The following NKAIN3 variants were observed in gnomAD, a reference collection of about 807,000 sequenced individuals.
The protein encoded by NKAIN3 is sodium/potassium transporting ATPase interacting 3.
Under a neutral mutation model 30.2 loss-of-function variants are expected in NKAIN3, and 25 were observed. That is an observed-to-expected ratio of 0.83 (90% CI 0.60 to 1.16). The LOEUF is 1.16. NKAIN3 is among the 50% of genes most tolerant of loss of function. The probability of loss-of-function intolerance (pLI) is 0.00; values close to 1 mark genes in which losing one functional copy is unlikely to be tolerated. For missense variants in NKAIN3, 225 were observed against 254.1 expected (o/e 0.89, Z 0.78); for synonymous variants, 91 against 89.6 (o/e 1.02, Z -0.09).
intron 1 of NKAIN3, among the ~76,000 whole-genome samples, chr8:62,523,724 A>G (rs1808222725): frequency 6.6e-6 from 1 of 152,120 alleles, no homozygotes; most frequent in Non-Finnish European, 1.5e-5. Context: ...ATTTCTTATG[A>G]CCATGAAGAC....
chr8:62,651,556 A>G (rs1029743344), intron 3 of NKAIN3, among the ~76,000 whole-genome samples: 2 of 152,186 alleles, frequency 1.3e-5, no homozygotes, highest in African/African-American at 4.8e-5. Flanking sequence ...TGCAAGTCCC[A>G]GATAAAGGCA....
chr8:62,537,006 C>G (rs1465699867), intron 1 of NKAIN3, among the ~76,000 whole-genome samples: 1 of 152,010 alleles, frequency 6.6e-6, no homozygotes, highest in Non-Finnish European at 1.5e-5. Flanking sequence ...GCAGACATGG[C>G]AACACACACT....
intron 1 of NKAIN3, among the ~76,000 whole-genome samples, chr8:62,286,328 G>A (rs992985272): frequency 3.3e-5 from 5 of 152,110 alleles, no homozygotes; most frequent in Non-Finnish European, 7.4e-5. Context: ...TAAAGACGTG[G>A]TGAAATATAG....
At chr8:62,950,919 A>AGATGC (rs1345146124) in intron 5 of NKAIN3, among the ~76,000 whole-genome samples, 1 of 145,598 alleles carries the variant, frequency 6.9e-6, no homozygotes, top group East Asian at 2.2e-4. Context: ...AAGGTATGCG[A>AGATGC]GATGCATGAG....
At chr8:62,423,735 C>T (rs921922869) in intron 1 of NKAIN3, among the ~76,000 whole-genome samples, 1 of 151,948 alleles carries the variant, frequency 6.6e-6, no homozygotes, top group African/African-American at 2.4e-5. Context: ...ATTATCATGG[C>T]CCCTTCTCTA....
At chr8:62,537,705 G>C (rs1268702900) in intron 1 of NKAIN3, among the ~76,000 whole-genome samples, 1 of 151,992 alleles carries the variant, frequency 6.6e-6, no homozygotes, top group Non-Finnish European at 1.5e-5. Flanking sequence ...CTAATGTGTA[G>C]TTGCAGAAAT....
At chr8:62,865,406 T>C (rs1820386675) in intron 4 of NKAIN3, among the ~76,000 whole-genome samples, 1 of 152,238 alleles carries the variant, frequency 6.6e-6, no homozygotes, top group Non-Finnish European at 1.5e-5. Context: ...ACAAGTGAGC[T>C]GGCTTCATCC....
chr8:62,828,653 G>C (rs1819102338), intron 4 of NKAIN3, among the ~76,000 whole-genome samples: 1 of 152,144 alleles, frequency 6.6e-6, no homozygotes, highest in Non-Finnish European at 1.5e-5. Context: ...TTAGAGCTCT[G>C]TGATTGCTTT....
At chr8:62,988,512 C>A (rs150279989), downstream of NKAIN3, among the ~76,000 whole-genome samples, 170 of 152,362 alleles carry the variant, frequency 1.1e-3, 4 homozygotes, top group East Asian at 0.029. Context: ...AGCTCAACAC[C>A]ACATGGAAGC....
chr8:62,906,016 C>A (rs1443676641), intron 4 of NKAIN3, among the ~76,000 whole-genome samples: 1 of 152,182 alleles, frequency 6.6e-6, no homozygotes. Context: ...CATCTCACCC[C>A]CACAGAAAGT....
At chr8:62,492,212 C>G (rs190518327) in intron 1 of NKAIN3, among the ~76,000 whole-genome samples, 1 of 152,078 alleles carries the variant, frequency 6.6e-6, no homozygotes, top group African/African-American at 2.4e-5. Flanking sequence ...TAGTGATCCA[C>G]GATTGTGTTC....
At chr8:62,937,927 G>T (rs537162127) in intron 5 of NKAIN3, among the ~76,000 whole-genome samples, 1 of 152,086 alleles carries the variant, frequency 6.6e-6, no homozygotes, top group South Asian at 2.1e-4. Flanking sequence ...TATCATTGCC[G>T]GCTTTCTCCC....
chr8:62,589,883 GTGTGTGTGTGTGT>G, intron 3 of NKAIN3, 89 bp downstream of exon 3: 2 of 95,372 alleles, frequency 2.1e-5, no homozygotes, highest in South Asian at 1.6e-4. Context: ...TATTGTGTGT[GTGTGTGTGTGTGT>G]GTGTGTGTGT....
chr8:62,778,297 T>C (rs1041870775), intron 4 of NKAIN3, among the ~76,000 whole-genome samples: 8 of 152,094 alleles, frequency 5.3e-5, no homozygotes, highest in Non-Finnish European at 1.2e-4. Flanking sequence ...GGCAGTGAGT[T>C]CCTGCAGTCC....
At position 62,403,555 on chromosome 8, in the gene NKAIN3, A is replaced by G. The variant is rs545923535; in HGVS notation, c.54+154428A>G. On this transcript the variant is annotated intron_variant, in intron 1 of 6. Transcript: ENST00000623646. Reference sequence around the variant, plus strand: ...AAGAGGTCAAGTTACAGCTCAGGCCATTGTTTCAGAGGGTGCAAGCCCCAA... The same window carrying G: ...AAGAGGTCAAGTTACAGCTCAGGCCGTTGTTTCAGAGGGTGCAAGCCCCAA... 1.8e-3 allele frequency among the ~76,000 whole-genome samples: 281 copies of G among 152,342 alleles called. 1 individual carries two copies. Among genetic ancestry groups the G allele is most frequent in the African/African-American group, 6.5e-3 (270 of 41,586 alleles).
chr8:62,695,010 T>A (rs1450973917), intron 3 of NKAIN3, among the ~76,000 whole-genome samples: 5 of 152,166 alleles, frequency 3.3e-5, no homozygotes, highest in Non-Finnish European at 7.4e-5. Context: ...AATTAGCTTT[T>A]CTCTAGTGTC....
At chr8:62,849,414 G>T (rs2130771126) in intron 4 of NKAIN3, among the ~76,000 whole-genome samples, 1 of 150,732 alleles carries the variant, frequency 6.6e-6, no homozygotes, top group Admixed American at 6.6e-5. Context: ...GGGCATATGT[G>T]CCAGGAATGT....
chr8:62,694,264 G>A (rs1483354888), intron 3 of NKAIN3, among the ~76,000 whole-genome samples: 6 of 151,958 alleles, frequency 3.9e-5, no homozygotes, highest in Admixed American at 3.3e-4. Flanking sequence ...TCTGGTAATT[G>A]CAGCACTATT....
At chr8:62,470,866 G>A (rs771392904) in intron 1 of NKAIN3, among the ~76,000 whole-genome samples, 3 of 151,800 alleles carry the variant, frequency 2.0e-5, no homozygotes, top group Non-Finnish European at 4.4e-5. Flanking sequence ...CTATAAATAT[G>A]TGTAGATCTT....
Sources: gnomAD v4.1 joint callset for allele counts (sites outside exome capture counted in the v4.1 genomes callset) on GRCh38, gnomAD v4.1.1 for gene constraint, MANE v1.5 for transcripts, NCBI Gene and HGNC (gene_info 2026-07-23, HGNC 2026-07-21) for gene names.